The following TTC28 variants were observed in gnomAD, a reference collection of about 807,000 sequenced individuals.
TTC28 encodes the protein tetratricopeptide repeat protein 28.
TTC28 carries 61 observed loss-of-function variants against 198.0 expected under a neutral mutation model. The observed-to-expected ratio is 0.31, with a 90% CI of 0.25 to 0.38. TTC28 has a LOEUF of 0.38. Among genes scored for constraint, TTC28 ranks in the 10% least tolerant of loss-of-function variants. The pLI is 1.00. For missense variants in TTC28, 2,678 were observed against 3,164.0 expected (o/e 0.85, Z 3.69); for synonymous variants, 1,171 against 1,297.8 (o/e 0.90, Z 2.10).
intron 2 of TTC28, among the ~76,000 whole-genome samples, chr22:28,445,861 T>TACACAC (rs111302565): frequency 3.6e-4 from 53 of 146,852 alleles, no homozygotes; most frequent in East Asian, 1.4e-3. Flanking sequence ...TACATATCTA[T>TACACAC]ACACACACAC....
At chr22:28,031,258 A>T (rs2146634385) in intron 12 of TTC28, among the ~76,000 whole-genome samples, 1 of 152,230 alleles carries the variant, frequency 6.6e-6, no homozygotes. Context: ...ATGCCTCCCA[A>T]CCAACTGAGG....
At chr22:28,559,237 C>G (rs1038332816) in intron 2 of TTC28, among the ~76,000 whole-genome samples, 4 of 152,182 alleles carry the variant, frequency 2.6e-5, no homozygotes, top group African/African-American at 9.6e-5. Flanking sequence ...TTGATATGCC[C>G]TAATCCAAAA....
intron 6 of TTC28, among the ~76,000 whole-genome samples, chr22:28,120,834 T>C (rs1942764650): frequency 6.6e-6 from 1 of 152,138 alleles, no homozygotes; most frequent in South Asian, 2.1e-4. Context: ...GGCAATCGGG[T>C]CTGAAAAGCT....
chr22:28,628,754 A>T (rs2051118482), intron 2 of TTC28, among the ~76,000 whole-genome samples: 1 of 152,134 alleles, frequency 6.6e-6, no homozygotes, highest in Non-Finnish European at 1.5e-5. Context: ...AGCCTGGGCA[A>T]CATGGTGAAA....
chr22:28,349,890 CTCCTTGTAA>C (rs1272809681), intron 2 of TTC28, among the ~76,000 whole-genome samples: 3 of 152,192 alleles, frequency 2.0e-5, no homozygotes, highest in Non-Finnish European at 4.4e-5. Context: ...TCCCAGTGCA[CTCCTTGTAA>C]CCCCGAGTGC....
At chr22:28,237,254 A>T (rs1264917345) in intron 5 of TTC28, among the ~76,000 whole-genome samples, 1 of 152,134 alleles carries the variant, frequency 6.6e-6, no homozygotes, top group East Asian at 1.9e-4. Context: ...TGATAGAATT[A>T]AACAATAATG....
intron 12 of TTC28, among the ~76,000 whole-genome samples, chr22:28,053,816 A>T (rs1940174866): frequency 6.6e-6 from 1 of 152,176 alleles, no homozygotes; most frequent in Admixed American, 6.5e-5. Context: ...TAGGAAAGAA[A>T]GAAGCAATCT....
intron 12 of TTC28, among the ~76,000 whole-genome samples, chr22:28,042,003 A>G (rs1196313095): frequency 6.6e-6 from 1 of 152,224 alleles, no homozygotes; most frequent in Non-Finnish European, 1.5e-5. Flanking sequence ...TGGTCATTAG[A>G]AAAATGCAAA....
intron 6 of TTC28, among the ~76,000 whole-genome samples, chr22:28,133,485 A>G (rs1320624394): frequency 2.0e-5 from 3 of 152,156 alleles, no homozygotes; most frequent in Non-Finnish European, 2.9e-5. Flanking sequence ...GACAGACGGC[A>G]CCTGGAAAAT....
intron 2 of TTC28, among the ~76,000 whole-genome samples, chr22:28,612,223 A>C (rs1260852118): frequency 6.6e-6 from 1 of 152,212 alleles, no homozygotes; most frequent in Non-Finnish European, 1.5e-5. Flanking sequence ...ATCAAGAGAG[A>C]CAAAGAAGGC....
intron 2 of TTC28, among the ~76,000 whole-genome samples, chr22:28,386,809 A>G (rs1401806634): frequency 6.6e-6 from 1 of 151,866 alleles, no homozygotes; most frequent in Non-Finnish European, 1.5e-5. Flanking sequence ...TAGCTTTCTT[A>G]TAGTTTTTTT....
At chr22:28,291,234 C>A (rs1025071189) in intron 5 of TTC28, among the ~76,000 whole-genome samples, 1 of 151,974 alleles carries the variant, frequency 6.6e-6, no homozygotes, top group African/African-American at 2.4e-5. Flanking sequence ...TGGTATAGGA[C>A]TTCTCTAGCA....
chr22:27,998,607 G>A lies in TTC28; in HGVS notation c.5052C>T (p.Ala1684=), dbSNP rs773391117. 63 of 1,550,716 alleles carry A rather than the reference G, an allele frequency of 4.1e-5. 2 individuals are homozygous for A. In the South Asian group the frequency reaches 4.6e-4, roughly 11 times the overall value. ...CCACCTTCATGGCCTCCCCCAGGGC[G>A]GCGCTGGCTTTCAGGCCGTTCAGCA... The part of the protein sequence containing the change: ...SSLLNGLKAS[A]ALGEAMKVVQ... Residue 1684 remains alanine (A), a synonymous_variant, in exon 16 of 23, where the codon GCC becomes GCT. Transcript: ENST00000397906.
At chr22:28,135,437 G>A (rs1943176883) in intron 6 of TTC28, among the ~76,000 whole-genome samples, 1 of 152,198 alleles carries the variant, frequency 6.6e-6, no homozygotes, top group Non-Finnish European at 1.5e-5. Flanking sequence ...AATAGGCAGA[G>A]TTGTTGAGGA....
chr22:28,177,211 C>A (rs1052920233), intron 5 of TTC28, among the ~76,000 whole-genome samples: 3 of 152,046 alleles, frequency 2.0e-5, no homozygotes, highest in African/African-American at 7.2e-5. Flanking sequence ...AGAGACAGCT[C>A]ATTAGAGAAG....
At chr22:28,168,113 A>G (rs1320455199) in intron 5 of TTC28, among the ~76,000 whole-genome samples, 1 of 152,226 alleles carries the variant, frequency 6.6e-6, no homozygotes, top group African/African-American at 2.4e-5. Context: ...TCAACTTACA[A>G]GGGATGTGAA....
chr22:28,051,861 G>T (rs1408798814), intron 12 of TTC28, among the ~76,000 whole-genome samples: 1 of 152,140 alleles, frequency 6.6e-6, no homozygotes, highest in African/African-American at 2.4e-5. Context: ...GAATTTATAT[G>T]GGGCCTAAGG....
chr22:28,086,466 G>A (rs888042934), intron 12 of TTC28, among the ~76,000 whole-genome samples: 1 of 152,088 alleles, frequency 6.6e-6, no homozygotes, highest in African/African-American at 2.4e-5. Flanking sequence ...TGAAACCAAT[G>A]AGAACAAAGA....
rs189050543 is a variant in TTC28 at position 28,225,464 on chromosome 22, A to G, written c.934-61865T>C. On this transcript the variant is annotated intron_variant, in intron 5 of 22. Transcript: ENST00000397906. ...TTCATTCCGTTTTCCCAAGTTACCCATTCCTGCTTCCACCAAAGGAAATGT... is the reference window on the plus strand; with the variant it reads ...TTCATTCCGTTTTCCCAAGTTACCCGTTCCTGCTTCCACCAAAGGAAATGT... Among the ~76,000 whole-genome samples, 155 of 152,252 alleles carry G rather than the reference A, an allele frequency of 1.0e-3. 2 individuals are homozygous for G. Among genetic ancestry groups the G allele is most frequent in the African/African-American group, 3.4e-3 (141 of 41,544 alleles).
Sources: gnomAD v4.1 joint callset for allele counts (sites outside exome capture counted in the v4.1 genomes callset) on GRCh38, gnomAD v4.1.1 for gene constraint, MANE v1.5 for transcripts, NCBI Gene and HGNC (gene_info 2026-07-23, HGNC 2026-07-21) for gene names.